The following SLC4A4 variants were observed in gnomAD, a reference collection of about 807,000 sequenced individuals.
SLC4A4 encodes the protein solute carrier family 4 member 4, also known as electrogenic sodium bicarbonate cotransporter 1.
In SLC4A4, 27 loss-of-function variants were observed where a neutral mutation model predicts 111.5. The ratio of observed to expected loss-of-function variants is 0.24; its 90% CI spans 0.18 to 0.33. The LOEUF (loss-of-function observed/expected upper bound fraction) is 0.33, where lower values mean the gene tolerates loss of function less well. Ranked by LOEUF, SLC4A4 falls within the 10% of genes least tolerant of loss-of-function variation. The pLI is 1.00. For missense variants in SLC4A4, 909 were observed against 1,315.5 expected (o/e 0.69, Z 4.78); for synonymous variants, 443 against 463.4 (o/e 0.96, Z 0.57).
intron 2 of SLC4A4, among the ~76,000 whole-genome samples, chr4:71,166,804 C>G (rs1297861424): frequency 1.3e-5 from 2 of 152,176 alleles, no homozygotes; most frequent in Non-Finnish European, 2.9e-5. Flanking sequence ...GTTATTTAAA[C>G]TTCATTTGGG....
intron 7 of SLC4A4, among the ~76,000 whole-genome samples, chr4:71,403,322 T>C (rs2148988408): frequency 6.6e-6 from 1 of 152,202 alleles, no homozygotes; most frequent in East Asian, 1.9e-4. Flanking sequence ...AAATGTATAT[T>C]CTGTGCTAGA....
At chr4:71,158,722 T>C (rs1744542469) in intron 2 of SLC4A4, among the ~76,000 whole-genome samples, 1 of 152,198 alleles carries the variant, frequency 6.6e-6, no homozygotes, top group African/African-American at 2.4e-5. Context: ...TTTCTGGATA[T>C]TCTACTAGGA....
chr4:71,112,389 G>A (rs188387606), intron 2 of SLC4A4, among the ~76,000 whole-genome samples: 134 of 152,140 alleles, frequency 8.8e-4, no homozygotes, highest in Middle Eastern at 3.4e-3. Context: ...AAATATAGTC[G>A]GGTTAATTAG....
chr4:71,234,873 C>T (rs1488106457), intron 1 of SLC4A4, among the ~76,000 whole-genome samples: 1 of 151,876 alleles, frequency 6.6e-6, no homozygotes, highest in African/African-American at 2.4e-5. Context: ...TATACAAGGC[C>T]GATATTATTG....
chr4:71,558,820 G>T lies in SLC4A4; in HGVS notation c.2937+935G>T, dbSNP rs72854437. ...AATACTAGTGATATTTGTTAGGTCA[G>T]ATTTTTTTCTTAATGGTGGCTTATG... On this transcript the variant is annotated intron_variant, in intron 22 of 25. Transcript: ENST00000264485. 5.9e-3 allele frequency among the ~76,000 whole-genome samples: 890 copies of T among 151,724 alleles called. 11 individuals are homozygous for T. The highest frequency in any genetic ancestry group is 0.02 in the African/African-American group (831 of 41,450).
intron 2 of SLC4A4, among the ~76,000 whole-genome samples, chr4:71,156,120 T>C (rs1744455882): frequency 6.6e-6 from 1 of 152,196 alleles, no homozygotes; most frequent in South Asian, 2.1e-4. Context: ...GTGGGAATGA[T>C]GATGCAGGGC....
At chr4:71,215,994 C>G (rs1490134593) in intron 1 of SLC4A4, among the ~76,000 whole-genome samples, 1 of 151,348 alleles carries the variant, frequency 6.6e-6, no homozygotes, top group Non-Finnish European at 1.5e-5. Flanking sequence ...ATCTTCCGCC[C>G]CCACCCCGGA....
upstream of SLC4A4, among the ~76,000 whole-genome samples, chr4:71,185,556 CAT>C (rs1284755236): frequency 2.0e-5 from 3 of 152,312 alleles, no homozygotes; most frequent in East Asian, 5.8e-4. Flanking sequence ...ACAACAGACA[CAT>C]GACAGTACAT....
At chr4:71,139,720 A>G (rs908330152) in intron 2 of SLC4A4, among the ~76,000 whole-genome samples, 1 of 152,026 alleles carries the variant, frequency 6.6e-6, no homozygotes, top group African/African-American at 2.4e-5. Flanking sequence ...TATTTCACTG[A>G]TACATAGTAT....
intron 7 of SLC4A4, among the ~76,000 whole-genome samples, chr4:71,429,938 A>G (rs910396815): frequency 6.6e-6 from 1 of 151,636 alleles, no homozygotes; most frequent in African/African-American, 2.4e-5. Context: ...TAATCTTTAC[A>G]TTTTTTCTAG....
At chr4:71,187,680 C>A (rs925844287) in intron 1 of SLC4A4, among the ~76,000 whole-genome samples, 1 of 152,202 alleles carries the variant, frequency 6.6e-6, no homozygotes, top group Non-Finnish European at 1.5e-5. Context: ...AAGTCCCCTG[C>A]GCGCAACTGG....
chr4:71,453,710 G>C, intron 12 of SLC4A4, 41 bp downstream of exon 12: 2 of 1,600,092 alleles, frequency 1.2e-6, no homozygotes, highest in Non-Finnish European at 1.7e-6. Flanking sequence ...GTACAGCCCA[G>C]ATTGCCTTCC....
intron 7 of SLC4A4, among the ~76,000 whole-genome samples, chr4:71,409,197 C>A (rs1721140338): frequency 6.6e-6 from 1 of 152,050 alleles, no homozygotes; most frequent in South Asian, 2.1e-4. Context: ...TGGGGTGTTG[C>A]TGAAAAAATA....
At chr4:71,480,153 C>G (rs1188688821) in intron 14 of SLC4A4, among the ~76,000 whole-genome samples, 1 of 151,148 alleles carries the variant, frequency 6.6e-6, no homozygotes, top group Non-Finnish European at 1.5e-5. Context: ...TCCTGAGTAG[C>G]TAGGACTACA....
intron 23 of SLC4A4, among the ~76,000 whole-genome samples, chr4:71,560,740 T>C (rs184471397): frequency 6.6e-6 from 1 of 151,790 alleles, no homozygotes; most frequent in African/African-American, 2.4e-5. Context: ...ATATTAATAT[T>C]AGCATTATAT....
intron 3 of SLC4A4, among the ~76,000 whole-genome samples, chr4:71,310,391 C>T (rs1190274131): frequency 2.6e-5 from 4 of 152,074 alleles, no homozygotes; most frequent in Non-Finnish European, 5.9e-5. Context: ...GTCAGATTCT[C>T]TAAGCTTGAA....
At chr4:71,358,040 C>T (rs1462597292) in intron 6 of SLC4A4, among the ~76,000 whole-genome samples, 2 of 152,046 alleles carry the variant, frequency 1.3e-5, no homozygotes, top group African/African-American at 4.8e-5. Context: ...TGAGGCCGGG[C>T]GCGGTGGCTC....
At chr4:71,262,310 T>C (rs1329558545) in intron 3 of SLC4A4, among the ~76,000 whole-genome samples, 14 of 152,084 alleles carry the variant, frequency 9.2e-5, no homozygotes, top group Admixed American at 8.5e-4. Flanking sequence ...GCAGAAGTAG[T>C]TGGGGTGAGG....
At chr4:71,150,251 A>T (rs1488370113) in intron 2 of SLC4A4, among the ~76,000 whole-genome samples, 1 of 152,164 alleles carries the variant, frequency 6.6e-6, no homozygotes, top group Non-Finnish European at 1.5e-5. Flanking sequence ...ATCTGGAAAC[A>T]GAAATTTGGG....
Sources: gnomAD v4.1 joint callset for allele counts (sites outside exome capture counted in the v4.1 genomes callset) on GRCh38, gnomAD v4.1.1 for gene constraint, MANE v1.5 for transcripts, NCBI Gene and HGNC (gene_info 2026-07-23, HGNC 2026-07-21) for gene names.